The following COL4A6 variants were observed in gnomAD, a reference collection of about 807,000 sequenced individuals.
The protein encoded by COL4A6 is collagen type IV alpha 6 chain.
A neutral mutation model predicts 126.7 loss-of-function variants in COL4A6; 59 were observed. The ratio of observed to expected loss-of-function variants is 0.47; its 90% CI spans 0.38 to 0.58. The LOEUF (loss-of-function observed/expected upper bound fraction) is 0.58, where lower values mean the gene tolerates loss of function less well. Among genes scored for constraint, COL4A6 ranks in the 20% least tolerant of loss-of-function variants. The probability of loss-of-function intolerance (pLI) is 0.00; values close to 1 mark genes in which losing one functional copy is unlikely to be tolerated. For missense variants in COL4A6, 1,285 were observed against 1,337.3 expected (o/e 0.96, Z 0.61); for synonymous variants, 547 against 496.6 (o/e 1.10, Z -1.35).
intron 37 of COL4A6, among the ~76,000 whole-genome samples, chrX:108,167,226 T>C (rs550523008): frequency 1.9e-4 from 21 of 112,428 alleles, no homozygotes; most frequent in Middle Eastern, 4.6e-3. Flanking sequence ...AAAAACAAAA[T>C]ACATAAATGC....
At position 108,187,105 on chromosome X, in the gene COL4A6, C is replaced by T; in HGVS notation, c.1942G>A (p.Gly648Arg). 6.9e-6 allele frequency: 8 copies of T among 1,153,472 alleles called. No homozygotes were observed. The highest frequency in any genetic ancestry group is 6.2e-5 in the East Asian group (2 of 32,420). Residue 648 changes from glycine (G) to arginine (R), a missense_variant, in exon 23 of 45, where the codon GGA becomes AGA. Transcript: ENST00000334504. Reference sequence around the variant, plus strand: ...TGATTCTATGACTCACCCTTAGATCCGGGAAGGCCTTGTTGTCCCGGTAAT... The same window carrying T: ...TGATTCTATGACTCACCCTTAGATCTGGGAAGGCCTTGTTGTCCCGGTAAT... ...DGLPGQQGLP[G>R]SKGITLPCII... is the part of the protein sequence containing the mutation.
At position 108,437,083 on chromosome X, in the gene COL4A6, C is replaced by A. The variant is rs2064281795; in HGVS notation, c.63+859G>T. 9.9e-5 allele frequency among the ~76,000 whole-genome samples: 11 copies of A among 111,655 alleles called. No individual in the cohort carries two copies. In the South Asian group the frequency reaches 3.4e-3, roughly 34 times the overall value. ...GAAATAGTACTCAACAATTGAACAA[C>A]TTCGTATTCAAACTCAACAGTTTTT... On this transcript the variant is annotated intron_variant, in intron 2 of 44. Transcript: ENST00000334504.
At chrX:108,389,825 G>A (rs764503417) in intron 2 of COL4A6, among the ~76,000 whole-genome samples, 5 of 111,412 alleles carry the variant, frequency 4.5e-5, no homozygotes, top group Non-Finnish European at 9.4e-5. Flanking sequence ...TCACAGCGTC[G>A]ATGGTCTTTA....
intron 2 of COL4A6, among the ~76,000 whole-genome samples, chrX:108,381,945 T>C (rs2040566527): frequency 9.0e-6 from 1 of 111,510 alleles, no homozygotes; most frequent in African/African-American, 3.3e-5. Context: ...TCTCTCTTTA[T>C]GACTAACATC....
At chrX:108,364,888 GGT>G (rs1209486954) in intron 2 of COL4A6, among the ~76,000 whole-genome samples, 11 of 111,188 alleles carry the variant, frequency 9.9e-5, no homozygotes, top group Non-Finnish European at 2.1e-4. Flanking sequence ...TCTTGGCTAT[GGT>G]GAATAGTGCT....
At chrX:108,191,668 T>C in intron 18 of COL4A6, 135 bp from the exon 19 acceptor site, 2 of 733,184 alleles carry the variant, frequency 2.7e-6, no homozygotes, top group Admixed American at 3.5e-5. Context: ...GTATCAGAGT[T>C]AGAAGGATCC....
intron 12 of COL4A6, 88 bp downstream of exon 12, chrX:108,204,232 G>T: frequency 1.5e-6 from 1 of 683,820 alleles, no homozygotes; most frequent in Non-Finnish European, 2.1e-6. Flanking sequence ...TATTCTTCCA[G>T]TATTGTCTGG....
At chrX:108,428,562 A>G (rs981886635) in intron 2 of COL4A6, among the ~76,000 whole-genome samples, 2 of 111,338 alleles carry the variant, frequency 1.8e-5, no homozygotes, top group Non-Finnish European at 1.9e-5. Flanking sequence ...TCAGAAAAAA[A>G]TAATTATTGG....
intron 23 of COL4A6, among the ~76,000 whole-genome samples, chrX:108,184,034 C>T (rs1200138905): frequency 8.9e-6 from 1 of 111,779 alleles, no homozygotes; most frequent in Non-Finnish European, 1.9e-5. Flanking sequence ...TTTAATAATT[C>T]ACACTAGTAG....
At chrX:108,321,583 A>G (rs1345535680) in intron 2 of COL4A6, among the ~76,000 whole-genome samples, 2 of 111,601 alleles carry the variant, frequency 1.8e-5, no homozygotes, top group East Asian at 5.6e-4. Context: ...ATTATTTTTC[A>G]TATGACCATT....
At chrX:108,355,171 CTATCGGGTACCCA>C (rs745431564) in intron 2 of COL4A6, among the ~76,000 whole-genome samples, 6 of 111,483 alleles carry the variant, frequency 5.4e-5, no homozygotes, top group Non-Finnish European at 9.4e-5. Flanking sequence ...GTGACTAACA[CTATCGGGTACCCA>C]TTTTGCAAGG....
At chrX:108,242,932 T>C (rs2036612483) in intron 3 of COL4A6, among the ~76,000 whole-genome samples, 1 of 111,579 alleles carries the variant, frequency 9.0e-6, no homozygotes. Flanking sequence ...TAGCTACTGT[T>C]GCAAGTATTT....
intron 2 of COL4A6, among the ~76,000 whole-genome samples, chrX:108,353,152 C>G (rs1377381624): frequency 1.8e-5 from 2 of 111,671 alleles, no homozygotes; most frequent in African/African-American, 6.5e-5. Context: ...TATCTTTCCC[C>G]CTAAGGCCTG....
intron 2 of COL4A6, among the ~76,000 whole-genome samples, chrX:108,421,602 G>C (rs1414005994): frequency 8.9e-6 from 1 of 112,373 alleles, no homozygotes; most frequent in Non-Finnish European, 1.9e-5. Flanking sequence ...TGCACTAGCT[G>C]TAGACAATTT....
At chrX:108,428,130 C>A (rs2064118440) in intron 2 of COL4A6, among the ~76,000 whole-genome samples, 1 of 108,562 alleles carries the variant, frequency 9.2e-6, no homozygotes, top group Non-Finnish European at 1.9e-5. Context: ...TGTCTTGGGC[C>A]ACAAATAAAA....
chrX:108,160,765 C>G, intron 42 of COL4A6, 111 bp from the exon 43 acceptor site: 2 of 690,012 alleles, frequency 2.9e-6, no homozygotes, highest in Non-Finnish European at 2.0e-6. Flanking sequence ...TATTATCTCA[C>G]TCAATCCTCA....
chrX:108,244,994 T>G (rs1179255538), intron 3 of COL4A6, among the ~76,000 whole-genome samples: 1 of 112,317 alleles, frequency 8.9e-6, no homozygotes, highest in Non-Finnish European at 1.9e-5. Context: ...CAAATTCTCT[T>G]GCAAACAACA....
intron 7 of COL4A6, among the ~76,000 whole-genome samples, 176 bp from the exon 8 acceptor site, chrX:108,210,180 T>G (rs1245107566): frequency 8.9e-6 from 1 of 112,702 alleles, no homozygotes; most frequent in African/African-American, 3.2e-5. Flanking sequence ...TTTAGATTGT[T>G]TATTTTTTCT....
intron 1 of COL4A6, 51 bp from the exon 2 acceptor site, chrX:108,438,044 G>A (rs756137940): frequency 5.0e-6 from 6 of 1,195,558 alleles, no homozygotes; most frequent in Non-Finnish European, 6.8e-6. Flanking sequence ...TCGGGGTCGT[G>A]CGTCTGCCTG....
Sources: allele counts gnomAD v4.1 joint callset (sites outside exome capture counted in the v4.1 genomes callset), GRCh38; gene constraint gnomAD v4.1.1; transcripts MANE v1.5; gene names NCBI Gene and HGNC (gene_info 2026-07-23, HGNC 2026-07-21).